CNTNAP2: variants seen among roughly 807,000 people sequenced by gnomAD.
The protein encoded by CNTNAP2 is contactin-associated protein-like 2.
Under a neutral mutation model 155.2 loss-of-function variants are expected in CNTNAP2, and 98 were observed. The ratio of observed to expected loss-of-function variants is 0.63; its 90% confidence interval spans 0.54 to 0.75. The LOEUF is 0.75. Among genes scored for constraint, CNTNAP2 ranks in the 30% least tolerant of loss-of-function variants. The pLI, the probability that CNTNAP2 is intolerant of heterozygous loss-of-function variation, is 0.00. For synonymous variants in CNTNAP2, 651 were observed against 631.2 expected, an observed-to-expected ratio of 1.03 and a Z score of -0.47; for missense variants, 1,727 against 1,688.1, an observed-to-expected ratio of 1.02 and a Z score of -0.40.
intron 1 of CNTNAP2, among the ~76,000 whole-genome samples, chr7:146,731,926 A>ATT (rs570772200): frequency 6.6e-6 from 1 of 151,842 alleles, no homozygotes; most frequent in East Asian, 1.9e-4. Flanking sequence ...TAAAAATTAC[A>ATT]TTTTTTGTCT....
rs189754259 is a variant in CNTNAP2 at position 148,282,029 on chromosome 7, G to A, written c.3475+14903G>A. Among the ~76,000 whole-genome samples, 325 of 151,778 alleles carry A rather than the reference G, an allele frequency of 2.1e-3. 3 individuals are homozygous for A. The highest frequency in any genetic ancestry group is 7.5e-3 in the African/African-American group (312 of 41,406). ...TAGTAGAGACAGGGTTTTACCACAT[G>A]AGCCAGGATGGTCTCGATCTCCTGA... On this transcript the variant is annotated intron_variant, in intron 21 of 23. Transcript: ENST00000361727.
At chr7:146,997,983 A>G (rs1798344496) in intron 3 of CNTNAP2, among the ~76,000 whole-genome samples, 2 of 152,026 alleles carry the variant, frequency 1.3e-5, no homozygotes, top group Admixed American at 6.6e-5. Flanking sequence ...ATCAATTCAA[A>G]AAACTAACTC....
intron 11 of CNTNAP2, among the ~76,000 whole-genome samples, chr7:147,508,745 T>C (rs968399144): frequency 3.9e-5 from 6 of 152,188 alleles, no homozygotes; most frequent in Non-Finnish European, 7.3e-5. Context: ...TGAGATCTGA[T>C]GATTTTTTAA....
intron 16 of CNTNAP2, among the ~76,000 whole-genome samples, chr7:148,142,299 G>C (rs991799124): frequency 2.0e-5 from 3 of 151,946 alleles, no homozygotes; most frequent in African/African-American, 7.3e-5. Flanking sequence ...TTCCCATGGC[G>C]ACCTTATTTT....
intron 3 of CNTNAP2, among the ~76,000 whole-genome samples, chr7:147,009,059 T>A (rs1798577114): frequency 6.6e-6 from 1 of 151,740 alleles, no homozygotes; most frequent in Non-Finnish European, 1.5e-5. Context: ...CATTAAAAAA[T>A]AGAAAAATTA....
intron 8 of CNTNAP2, among the ~76,000 whole-genome samples, chr7:147,178,182 C>T (rs1802386727): frequency 6.6e-6 from 1 of 152,090 alleles, no homozygotes; most frequent in South Asian, 2.1e-4. Flanking sequence ...TGGGTTTATC[C>T]AGGTGGGCTG....
chr7:147,022,247 G>T (rs1798830162), intron 3 of CNTNAP2, among the ~76,000 whole-genome samples: 1 of 152,036 alleles, frequency 6.6e-6, no homozygotes, highest in South Asian at 2.1e-4. Context: ...TGCCTGCCAG[G>T]AGTCATCTAC....
intron 1 of CNTNAP2, among the ~76,000 whole-genome samples, chr7:146,690,706 T>G (rs1169722109): frequency 6.6e-6 from 1 of 152,172 alleles, no homozygotes; most frequent in Non-Finnish European, 1.5e-5. Context: ...TTCCTATGTT[T>G]TTATGTATAA....
At chr7:147,235,345 G>GGTGTGT (rs60072934) in intron 8 of CNTNAP2, among the ~76,000 whole-genome samples, 11,931 of 140,848 alleles carry the variant, frequency 0.085, 710 homozygotes, top group African/African-American at 0.16. Context: ...TGGAGTTTTT[G>GGTGTGT]GTGTGTGTGT....
intron 10 of CNTNAP2, among the ~76,000 whole-genome samples, chr7:147,468,840 TC>T (rs1212770863): frequency 8.9e-4 from 50 of 56,300 alleles, no homozygotes; most frequent in African/African-American, 5.1e-3. Context: ...TTCTTCTTCT[TC>T]TTTTTTTTTT....
intron 2 of CNTNAP2, among the ~76,000 whole-genome samples, chr7:146,780,826 A>G (rs1009958686): frequency 1.3e-5 from 2 of 152,130 alleles, no homozygotes; most frequent in Non-Finnish European, 2.9e-5. Context: ...AACAATGAGA[A>G]CACATGGACA....
intron 1 of CNTNAP2, among the ~76,000 whole-genome samples, chr7:146,489,783 CA>C (rs1797111690): frequency 6.6e-6 from 1 of 152,020 alleles, no homozygotes; most frequent in African/African-American, 2.4e-5. Context: ...GCAGAGAAGG[CA>C]CGTGGGGGTG....
intron 12 of CNTNAP2, among the ~76,000 whole-genome samples, chr7:147,604,475 T>G (rs1408512428): frequency 6.6e-6 from 1 of 152,242 alleles, no homozygotes; most frequent in Non-Finnish European, 1.5e-5. Flanking sequence ...TAAATATTTA[T>G]GACATGACCT....
At chr7:146,569,916 A>G (rs761846633) in intron 1 of CNTNAP2, among the ~76,000 whole-genome samples, 4 of 152,166 alleles carry the variant, frequency 2.6e-5, no homozygotes, top group Non-Finnish European at 4.4e-5. Context: ...ATGAAAAGCC[A>G]TTGTAGCTTT....
chr7:146,171,378 A>G (rs974891099), intron 1 of CNTNAP2, among the ~76,000 whole-genome samples: 4 of 152,160 alleles, frequency 2.6e-5, no homozygotes, highest in Non-Finnish European at 5.9e-5. Context: ...AGAGGTGCTG[A>G]AAGAGGGAAG....
chr7:147,143,614 T>A lies in CNTNAP2; in HGVS notation c.1348+11105T>A, dbSNP rs114325295. On this transcript the variant is annotated intron_variant, in intron 8 of 23. Transcript: ENST00000361727. ...TACCAAGATGTTATAAACTATAACT[T>A]TACAATTCTGTTATCTTCATCAGTT... Among the ~76,000 whole-genome samples, 662 of 152,288 alleles carry A rather than the reference T, an allele frequency of 4.3e-3. 6 individuals carry two copies. The highest frequency in any genetic ancestry group is 0.015 in the African/African-American group (632 of 41,560).
In CNTNAP2 at chr7:146,677,929, C is replaced by T. The variant is rs117160805; in HGVS notation, c.98-96342C>T. 1.7e-4 allele frequency among the ~76,000 whole-genome samples: 26 copies of T among 152,116 alleles called. No individual in the cohort carries two copies. The East Asian group carries it at 3.1e-3, about 18-fold the overall frequency. On this transcript the variant is annotated intron_variant, in intron 1 of 23. Transcript: ENST00000361727. Reference sequence around the variant, plus strand: ...GGGTGAAGGCATGACTGATGTCCCACGCTCATATCTCTCTGGGCCTGCATA... The same window carrying T: ...GGGTGAAGGCATGACTGATGTCCCATGCTCATATCTCTCTGGGCCTGCATA...
intron 3 of CNTNAP2, among the ~76,000 whole-genome samples, chr7:147,023,353 T>C (rs1001935882): frequency 1.3e-5 from 2 of 152,188 alleles, no homozygotes; most frequent in African/African-American, 4.8e-5. Context: ...GCTTGACATA[T>C]AATCTTTTAA....
intron 9 of CNTNAP2, among the ~76,000 whole-genome samples, chr7:147,320,080 T>C (rs1367658990): frequency 6.6e-6 from 1 of 152,182 alleles, no homozygotes; most frequent in East Asian, 1.9e-4. Flanking sequence ...GCATGCAACC[T>C]CTAATTTAAC....
Sources: allele counts gnomAD v4.1 joint callset (sites outside exome capture counted in the v4.1 genomes callset), GRCh38; gene constraint gnomAD v4.1.1; transcripts MANE v1.5; gene names NCBI Gene and HGNC (gene_info 2026-07-23, HGNC 2026-07-21).